The following GRK4 variants were observed in gnomAD, a reference collection of about 807,000 sequenced individuals.
GRK4 encodes the protein G protein-coupled receptor kinase 4.
In GRK4, 73 loss-of-function variants were observed where a neutral mutation model predicts 77.9. That is an observed-to-expected ratio of 0.94 (90% CI 0.78 to 1.14). GRK4 has a LOEUF of 1.14. Among genes scored for constraint, GRK4 ranks in the 50% most tolerant of loss-of-function variants. The pLI is 0.00. For synonymous variants in GRK4, 257 were observed against 254.4 expected (o/e 1.01, Z -0.10); for missense variants, 729 against 700.2 (o/e 1.04, Z -0.46).
intron 1 of GRK4, among the ~76,000 whole-genome samples, chr4:2,982,200 C>G (rs903872574): frequency 6.6e-6 from 1 of 151,274 alleles, no homozygotes; most frequent in African/African-American, 2.5e-5. Flanking sequence ...CCCCACCAAC[C>G]TGGAAGGGGG....
intron 8 of GRK4, 107 bp downstream of exon 8, chr4:3,013,935 T>G: frequency 7.9e-7 from 1 of 1,262,918 alleles, no homozygotes; most frequent in Non-Finnish European, 1.1e-6. Flanking sequence ...AAGTCATTTC[T>G]TGTTTTCTGA....
In GRK4 at chr4:2,984,531, G is replaced by A. The variant is rs1393411533; in HGVS notation, c.71G>A (p.Ser24Asn). ...KARQGGYGKK[S>N]GRSKKWKEIL... ...AATTCAGGAGGATATGGCAAAAAAA[G>A]TGGTCGTAGTAAAAAATGGAAGGAG... Residue 24 changes from serine to asparagine, a missense_variant, in exon 2 of 16, where the codon AGT (serine) becomes AAT (asparagine). By Grantham distance (46) the Ser-to-Asn change is conservative. Coordinates refer to ENST00000398052, the MANE Select transcript of GRK4 (RefSeq NM_182982.3). 1.2e-6 allele frequency: 2 copies of A among 1,612,494 alleles called. No homozygotes were observed. The highest frequency in any genetic ancestry group is 8.5e-7 in the Non-Finnish European group (1 of 1,178,854).
chr4:3,000,904 G>A (rs560132581), intron 4 of GRK4, among the ~76,000 whole-genome samples: 15 of 151,804 alleles, frequency 9.9e-5, no homozygotes, highest in African/African-American at 3.4e-4. Context: ...TGAATGGACC[G>A]ATCTTATTCT....
chr4:3,038,152 T>G (rs1741352969), intron 14 of GRK4, among the ~76,000 whole-genome samples: 1 of 152,148 alleles, frequency 6.6e-6, no homozygotes, highest in Admixed American at 6.5e-5. Flanking sequence ...AGTTCCCTGC[T>G]TTGGGAGTAC....
At chr4:3,026,011 C>T (rs1737436648) in intron 10 of GRK4, among the ~76,000 whole-genome samples, 1 of 152,264 alleles carries the variant, frequency 6.6e-6, no homozygotes, top group Admixed American at 6.5e-5. Context: ...GCAGGCGAAC[C>T]TGACCTGTTT....
chr4:3,037,044 GGTGTGTGTGT>G (rs1271637092), intron 13 of GRK4, among the ~76,000 whole-genome samples: 1 of 144,276 alleles, frequency 6.9e-6, no homozygotes, highest in Non-Finnish European at 1.5e-5. Flanking sequence ...CCTCAGGAGG[GGTGTGTGTGT>G]GTGTGTGTGT....
At chr4:2,976,033 C>T (rs1300583644) in intron 1 of GRK4, among the ~76,000 whole-genome samples, 1 of 152,152 alleles carries the variant, frequency 6.6e-6, no homozygotes, top group East Asian at 1.9e-4. Context: ...TCTGCTTCAA[C>T]CTTTGCAAGG....
intron 8 of GRK4, among the ~76,000 whole-genome samples, chr4:3,016,266 C>A (rs1465333563): frequency 6.6e-6 from 1 of 150,912 alleles, no homozygotes; most frequent in Non-Finnish European, 1.5e-5. Flanking sequence ...CCTGTAATCC[C>A]AGCACTTTGG....
intron 10 of GRK4, 116 bp downstream of exon 10, chr4:3,022,567 A>C (rs1736386822): frequency 1.1e-6 from 1 of 918,756 alleles, no homozygotes; most frequent in East Asian, 2.6e-5. Context: ...AACAATAACA[A>C]AAAGAAAAAC....
intron 5 of GRK4, among the ~76,000 whole-genome samples, chr4:3,004,845 C>A (rs1730839673): frequency 1.3e-5 from 2 of 151,876 alleles, no homozygotes; most frequent in Admixed American, 1.3e-4. Flanking sequence ...ACATAAGTGG[C>A]TCCTGGCGTC....
At chr4:2,975,037 G>A (rs1034701054) in intron 1 of GRK4, among the ~76,000 whole-genome samples, 1 of 152,196 alleles carries the variant, frequency 6.6e-6, no homozygotes, top group Admixed American at 6.5e-5. Flanking sequence ...GGGCGCGGTG[G>A]CTCTCGCCTG....
chr4:2,964,341 T>TCAG (rs1432689276), intron 1 of GRK4, among the ~76,000 whole-genome samples: 1 of 152,090 alleles, frequency 6.6e-6, no homozygotes, highest in Non-Finnish European at 1.5e-5. Context: ...CCCCATCTCC[T>TCAG]GGCCCAGATG....
chr4:2,993,445 G>A (rs951433215), intron 4 of GRK4, among the ~76,000 whole-genome samples: 3 of 152,108 alleles, frequency 2.0e-5, no homozygotes, highest in Non-Finnish European at 4.4e-5. Context: ...AGGCTGAGGC[G>A]GGTAGATCAC....
rs969503669 is a variant in GRK4 at position 3,027,843 on chromosome 4, C to A, written c.971-69C>A. ...ATGGTTTTTGAGGGGCCTTTTTTCC[C>A]ATTTTAATTGTTGTTACGGTGTCAT... On this transcript the variant is annotated intron_variant, in intron 10 of 15. Coordinates refer to ENST00000398052, the MANE Select transcript of GRK4 (RefSeq NM_182982.3). 39 of 1,313,262 alleles carry A rather than the reference C, an allele frequency of 3.0e-5. No homozygotes were observed. In the Admixed American group the frequency reaches 7.0e-4, roughly 24 times the overall value. The allele number at this position is 1,313,262 out of a possible 1,614,324, so 81.4% of individuals were successfully genotyped here.
chr4:3,006,339 C>T (rs907448455), intron 5 of GRK4, among the ~76,000 whole-genome samples: 9 of 150,038 alleles, frequency 6.0e-5, no homozygotes, highest in Admixed American at 6.0e-4. Flanking sequence ...AAGATCACGC[C>T]ATTGCACTCC....
intron 1 of GRK4, among the ~76,000 whole-genome samples, chr4:2,978,290 A>G (rs1186394728): frequency 6.6e-6 from 1 of 152,250 alleles, no homozygotes; most frequent in African/African-American, 2.4e-5. Context: ...TAAGTTTTTA[A>G]GAATCTTTTA....
intron 4 of GRK4, among the ~76,000 whole-genome samples, chr4:2,998,643 A>G (rs1728671751): frequency 6.6e-6 from 1 of 152,196 alleles, no homozygotes; most frequent in African/African-American, 2.4e-5. Flanking sequence ...ATACTTAAGA[A>G]TGAACGTAAC....
intron 1 of GRK4, among the ~76,000 whole-genome samples, chr4:2,975,706 T>G (rs1720931948): frequency 6.6e-6 from 1 of 152,118 alleles, no homozygotes; most frequent in South Asian, 2.1e-4. Context: ...CGGATTTAAG[T>G]TTGTGGGCTT....
chr4:2,967,125 C>T (rs1198515014), intron 1 of GRK4, among the ~76,000 whole-genome samples: 2 of 152,208 alleles, frequency 1.3e-5, no homozygotes, highest in Non-Finnish European at 2.9e-5. Context: ...AGCTATGAAT[C>T]AGAAAGTGGG....
Sources: gnomAD v4.1 joint callset for allele counts (sites outside exome capture counted in the v4.1 genomes callset) on GRCh38, gnomAD v4.1.1 for gene constraint, MANE v1.5 for transcripts, NCBI Gene and HGNC (gene_info 2026-07-23, HGNC 2026-07-21) for gene names.